Variants in DOCK4 observed in about 807,000 individuals in gnomAD.
DOCK4 encodes dedicator of cytokinesis 4, also known as dedicator of cytokinesis protein 4.
Under a neutral mutation model 268.1 loss-of-function variants are expected in DOCK4, and 97 were observed. The observed-to-expected ratio is 0.36, with a 90% CI of 0.31 to 0.43. DOCK4 has a LOEUF of 0.43. DOCK4 is among the 20% of genes least tolerant of loss of function. The pLI, the probability that DOCK4 is intolerant of heterozygous loss-of-function variation, is 1.00. For missense variants in DOCK4, 2,145 were observed against 2,455.7 expected, an observed-to-expected ratio of 0.87 and a Z score of 2.67; for synonymous variants, 954 against 887.2, an observed-to-expected ratio of 1.08 and a Z score of -1.34.
chr7:111,853,805 A>G (rs977985315), intron 23 of DOCK4, among the ~76,000 whole-genome samples: 1 of 152,200 alleles, frequency 6.6e-6, no homozygotes, highest in Non-Finnish European at 1.5e-5. Flanking sequence ...GGACTCCTAC[A>G]TAGCCACCCT....
chr7:111,871,027 T>C lies in DOCK4; in HGVS notation c.2027+963A>G, dbSNP rs75380533. Among the ~76,000 whole-genome samples the C allele has an allele frequency of 2.3e-3, 345 of 152,352 alleles. 2 individuals carry two copies. The highest frequency in any genetic ancestry group is 8.0e-3 in the African/African-American group (334 of 41,590). ...AAAAATACCTTCATTCATTTCGATG[T>C]TGGAGACGTCGATCTTAACCTGTCA... On this transcript the variant is annotated intron_variant, in intron 20 of 52. Coordinates refer to ENST00000428084, the MANE Select transcript of DOCK4 (RefSeq NM_001363540.2).
chr7:112,151,571 C>T (rs1040799173), intron 1 of DOCK4, among the ~76,000 whole-genome samples: 3 of 152,084 alleles, frequency 2.0e-5, no homozygotes, highest in Admixed American at 6.6e-5. Flanking sequence ...CAGTAAGCAT[C>T]TCTGAGTCAT....
intron 16 of DOCK4, among the ~76,000 whole-genome samples, chr7:111,879,873 C>G (rs1375798290): frequency 6.6e-6 from 1 of 152,102 alleles, no homozygotes; most frequent in African/African-American, 2.4e-5. Flanking sequence ...TGAAAATACA[C>G]AGTCAGAGGA....
At chr7:111,751,771 A>ATTTT (rs1796672415) in intron 42 of DOCK4, among the ~76,000 whole-genome samples, 1 of 145,448 alleles carries the variant, frequency 6.9e-6, no homozygotes, top group African/African-American at 2.6e-5. Flanking sequence ...TTTTTTTTTA[A>ATTTT]AAAAGAGGGT....
At chr7:111,919,395 C>G (rs779567513) in intron 12 of DOCK4, among the ~76,000 whole-genome samples, 3 of 151,934 alleles carry the variant, frequency 2.0e-5, no homozygotes, top group Non-Finnish European at 4.4e-5. Flanking sequence ...ATTTAGGAGA[C>G]AGTCGACAGA....
At chr7:111,786,533 G>A (rs1028052972) in intron 32 of DOCK4, among the ~76,000 whole-genome samples, 1 of 152,188 alleles carries the variant, frequency 6.6e-6, no homozygotes, top group African/African-American at 2.4e-5. Context: ...TTTGGGCTTA[G>A]GGAAAGATGA....
chr7:112,161,986 T>G (rs543737902), intron 1 of DOCK4, among the ~76,000 whole-genome samples: 1 of 152,178 alleles, frequency 6.6e-6, no homozygotes, highest in South Asian at 2.1e-4. Context: ...AATGGGGGTG[T>G]ACTGTTACTA....
intron 11 of DOCK4, among the ~76,000 whole-genome samples, chr7:111,939,882 C>T (rs942769803): frequency 6.6e-6 from 1 of 152,224 alleles, no homozygotes; most frequent in Non-Finnish European, 1.5e-5. Flanking sequence ...GTCTACCTAA[C>T]TGGTAAACTG....
chr7:111,868,256 A>G (rs1806133347), intron 21 of DOCK4, 102 bp from the exon 22 acceptor site: 1 of 918,084 alleles, frequency 1.1e-6, no homozygotes. Context: ...AAACTTTTAC[A>G]TTATTCATGT....
chr7:112,198,736 T>C lies in DOCK4; in HGVS notation c.37+7366A>G, dbSNP rs1820674367. ...TATTCTAACAAAAAAATTGTTCTCA[T>C]CTGTGCATCGACTGCCTCTTCTCTA... On this transcript the variant is annotated intron_variant, in intron 1 of 52. Transcript: ENST00000428084. Among the ~76,000 whole-genome samples the C allele has an allele frequency of 2.0e-5, 3 of 152,210 alleles. No homozygotes were observed. In the South Asian group the frequency reaches 6.2e-4, roughly 32 times the overall value.
intron 1 of DOCK4, among the ~76,000 whole-genome samples, chr7:112,078,494 T>C (rs997622269): frequency 2.0e-5 from 3 of 152,186 alleles, no homozygotes; most frequent in African/African-American, 7.2e-5. Flanking sequence ...GCATGGCACA[T>C]AGAGAGACGA....
chr7:111,941,762 C>T (rs940219158), intron 10 of DOCK4, among the ~76,000 whole-genome samples: 1 of 152,072 alleles, frequency 6.6e-6, no homozygotes, highest in Non-Finnish European at 1.5e-5. Context: ...TTTTAAACAA[C>T]CCCTTCATCT....
rs578103384 is a variant in DOCK4 at position 111,887,811 on chromosome 7, G to A, written c.1587+7801C>T. 2.0e-5 allele frequency among the ~76,000 whole-genome samples: 3 copies of A among 151,108 alleles called. No individual in the cohort carries two copies. The East Asian group carries it at 5.8e-4, about 29-fold the overall frequency. The stretch of plus-strand genomic sequence containing the variant: ...CATGTTTATGATCTGTGTGAATACT[G>A]CTGGAAGAGATGCAGGAGGAAGAGA... On this transcript the variant is annotated intron_variant, in intron 16 of 52. Coordinates refer to ENST00000428084, the MANE Select transcript of DOCK4 (RefSeq NM_001363540.2).
intron 30 of DOCK4, among the ~76,000 whole-genome samples, chr7:111,804,613 T>C (rs958546374): frequency 1.3e-5 from 2 of 152,102 alleles, no homozygotes; most frequent in Non-Finnish European, 2.9e-5. Flanking sequence ...TTTTATTTTT[T>C]TTTTGAGACA....
chr7:111,974,728 T>C (rs922938194), intron 8 of DOCK4, among the ~76,000 whole-genome samples: 23 of 151,712 alleles, frequency 1.5e-4, no homozygotes, highest in Non-Finnish European at 5.9e-5. Flanking sequence ...GGCTTGAACT[T>C]GGGGAACACA....
chr7:111,905,281 G>A (rs917374702), intron 13 of DOCK4, among the ~76,000 whole-genome samples: 27 of 152,158 alleles, frequency 1.8e-4, no homozygotes, highest in African/African-American at 4.1e-4. Context: ...CATAGCACCC[G>A]TGTGAAAAGC....
chr7:111,846,389 C>T (rs532832832), intron 24 of DOCK4, among the ~76,000 whole-genome samples: 1 of 152,272 alleles, frequency 6.6e-6, no homozygotes, highest in African/African-American at 2.4e-5. Flanking sequence ...CTGAGTTGTC[C>T]CATTTATAAG....
chr7:112,064,363 C>T (rs546573556), intron 1 of DOCK4, among the ~76,000 whole-genome samples: 54 of 152,288 alleles, frequency 3.5e-4, no homozygotes, highest in African/African-American at 1.3e-3. Context: ...CTACTGTCTG[C>T]ATCAAAGGAC....
intron 20 of DOCK4, among the ~76,000 whole-genome samples, chr7:111,870,918 G>A (rs1438147136): frequency 6.6e-6 from 1 of 152,188 alleles, no homozygotes; most frequent in Admixed American, 6.5e-5. Context: ...TTGTTAGGCT[G>A]AGTGGGCCGA....
Sources: allele counts gnomAD v4.1 joint callset (sites outside exome capture counted in the v4.1 genomes callset), GRCh38; gene constraint gnomAD v4.1.1; transcripts MANE v1.5; gene names NCBI Gene and HGNC (gene_info 2026-07-23, HGNC 2026-07-21).